FNDC3B: variants seen among roughly 807,000 people sequenced by gnomAD.
The protein encoded by FNDC3B is fibronectin type III domain-containing protein 3B.
FNDC3B carries 12 observed loss-of-function variants against 151.5 expected under a neutral mutation model. That is an observed-to-expected ratio of 0.08 (90% CI 0.05 to 0.13). The LOEUF is 0.13. FNDC3B is among the 10% of genes least tolerant of loss of function. FNDC3B has a pLI of 1.00. For missense variants in FNDC3B, 1,214 were observed against 1,505.3 expected (o/e 0.81, Z 3.20); for synonymous variants, 528 against 549.0 (o/e 0.96, Z 0.54).
intron 9 of FNDC3B, among the ~76,000 whole-genome samples, chr3:172,300,507 A>G (rs944675613): frequency 7.2e-5 from 11 of 152,082 alleles, no homozygotes; most frequent in African/African-American, 2.7e-4. Flanking sequence ...ATTTGAGAAC[A>G]CTTGCTCATC....
In FNDC3B at chr3:172,346,448, A is replaced by G. The variant is rs1224480258; in HGVS notation, c.2364+8A>G. 1 of 1,537,184 alleles carries G rather than the reference A, an allele frequency of 6.5e-7. No individual in the cohort carries two copies. The highest frequency in any genetic ancestry group is 1.7e-5 in the Admixed American group (1 of 58,086). On this transcript the variant is annotated splice_region_variant and intron_variant, in intron 20 of 25. Transcript: ENST00000415807. ...GTCTTAGTGGGTTGGGAGGTAAGTC[A>G]GGCATATTCTGCATCAACTTCTGTT...
chr3:172,337,313 AT>A lies in FNDC3B; in HGVS notation c.1781-14del, dbSNP rs764737651. 2.6e-6 allele frequency: 4 copies of A among 1,555,664 alleles called. No individual in the cohort carries two copies. The Admixed American group carries it at 6.8e-5, about 26-fold the overall frequency. On this transcript the variant is annotated splice_polypyrimidine_tract_variant and intron_variant, in intron 15 of 25. Transcript: ENST00000415807. ...AATATCCTTTTATTGCTAATAAGAC[AT>A]TTGGTTATTTTCCAGATCCCCCTAA...
intron 6 of FNDC3B, among the ~76,000 whole-genome samples, chr3:172,258,856 C>T (rs1265880951): frequency 2.0e-5 from 3 of 152,184 alleles, no homozygotes; most frequent in African/African-American, 4.8e-5. Flanking sequence ...AGGGCTTTTG[C>T]ACTTCACAAG....
At chr3:172,152,091 A>T (rs769842861) in intron 3 of FNDC3B, among the ~76,000 whole-genome samples, 1 of 152,156 alleles carries the variant, frequency 6.6e-6, no homozygotes, top group Non-Finnish European at 1.5e-5. Flanking sequence ...TTCACAAATG[A>T]CTGGAAATAA....
chr3:172,264,213 C>T (rs992674682), intron 6 of FNDC3B, among the ~76,000 whole-genome samples: 2 of 152,100 alleles, frequency 1.3e-5, no homozygotes, highest in African/African-American at 4.8e-5. Flanking sequence ...CCCAGGTGGT[C>T]TCGAACTCCT....
intron 24 of FNDC3B, among the ~76,000 whole-genome samples, 153 bp downstream of exon 24, chr3:172,378,589 T>TG (rs965828840): frequency 3.3e-5 from 5 of 152,182 alleles, no homozygotes; most frequent in Non-Finnish European, 5.9e-5. Flanking sequence ...ATGGGTTGTC[T>TG]GGGGGAAATG....
chr3:172,074,396 G>A (rs193147587), intron 1 of FNDC3B, among the ~76,000 whole-genome samples: 1 of 152,346 alleles, frequency 6.6e-6, no homozygotes, highest in Admixed American at 6.5e-5. Flanking sequence ...CAAGGACTTA[G>A]AATGACTGCT....
chr3:172,263,092 A>T (rs912251712), intron 6 of FNDC3B, among the ~76,000 whole-genome samples: 10 of 145,346 alleles, frequency 6.9e-5, no homozygotes, highest in East Asian at 2.0e-4. Context: ...AATATATATA[A>T]ATATATATAT....
intron 1 of FNDC3B, among the ~76,000 whole-genome samples, chr3:172,081,606 A>C (rs1283031569): frequency 6.6e-6 from 1 of 152,188 alleles, no homozygotes; most frequent in Non-Finnish European, 1.5e-5. Context: ...CTTGATAGAA[A>C]AGTTTTCTTT....
At chr3:172,363,720 G>A (rs983914222) in intron 23 of FNDC3B, among the ~76,000 whole-genome samples, 9 of 152,116 alleles carry the variant, frequency 5.9e-5, no homozygotes, top group African/African-American at 7.2e-5. Flanking sequence ...CTAGTTACAC[G>A]GAAAACCCTG....
chr3:172,233,924 G>A (rs374303045), intron 4 of FNDC3B, among the ~76,000 whole-genome samples: 9 of 152,116 alleles, frequency 5.9e-5, no homozygotes, highest in African/African-American at 2.2e-4. Context: ...TAGATATTTC[G>A]TTTCAGTTAT....
At chr3:172,092,720 A>G (rs564024105) in intron 1 of FNDC3B, among the ~76,000 whole-genome samples, 3 of 152,382 alleles carry the variant, frequency 2.0e-5, no homozygotes, top group Admixed American at 1.3e-4. Context: ...TAGCAAGAGC[A>G]AAAGCTCAGC....
intron 2 of FNDC3B, among the ~76,000 whole-genome samples, chr3:172,114,223 A>T (rs1720131436): frequency 6.6e-6 from 1 of 152,088 alleles, no homozygotes. Context: ...TCTTCTGCTC[A>T]CTGTGCTCAA....
rs77626023 is a variant in FNDC3B, at chr3:172,176,247, T to C, written c.187+42701T>C. The stretch of plus-strand genomic sequence containing the variant: ...AGTAGTTCCACTAAAGCTTTTGGTT[T>C]CTAAGCCCAAATGAGATTACAACCA... On this transcript the variant is annotated intron_variant, in intron 3 of 25. Coordinates refer to ENST00000415807, the MANE Select transcript of FNDC3B (RefSeq NM_022763.4). 7.8e-3 allele frequency among the ~76,000 whole-genome samples: 1,185 copies of C among 152,344 alleles called. 23 individuals carry two copies. Among genetic ancestry groups the C allele is most frequent in the African/African-American group, 0.027 (1,108 of 41,576 alleles).
At chr3:172,134,421 G>T (rs1319744225) in intron 3 of FNDC3B, 4 of 517,508 alleles carry the variant, frequency 7.7e-6, no homozygotes, top group Non-Finnish European at 1.5e-5. Context: ...TGGGGCAAAT[G>T]GTAAATGGCA....
At chr3:172,394,171 T>C (rs1264860942) in intron 25 of FNDC3B, among the ~76,000 whole-genome samples, 1 of 112,886 alleles carries the variant, frequency 8.9e-6, no homozygotes, top group African/African-American at 3.2e-5. Context: ...AAGCAAAGTT[T>C]AAAGCAATAA....
rs1440043769 is a variant in FNDC3B, at chr3:172,389,588, G to T, written c.3304-7576G>T. On this transcript the variant is annotated intron_variant, in intron 25 of 25. Coordinates refer to ENST00000415807, the MANE Select transcript of FNDC3B (RefSeq NM_022763.4). ...TATTAGAAAAACTGTTCACGTGTGG[G>T]GGGGTGGCTCACGCCTGTAGTAATC... Among the ~76,000 whole-genome samples the T allele has an allele frequency of 2.0e-5, 3 of 152,126 alleles. No homozygotes were observed. The East Asian group carries it at 5.8e-4, about 29-fold the overall frequency.
intron 2 of FNDC3B, among the ~76,000 whole-genome samples, chr3:172,120,853 A>T (rs1720507422): frequency 1.3e-5 from 2 of 151,908 alleles, no homozygotes; most frequent in Non-Finnish European, 2.9e-5. Context: ...AGTCCCAGCT[A>T]CTCAGGAGGC....
intron 6 of FNDC3B, among the ~76,000 whole-genome samples, chr3:172,267,184 C>G (rs1728967400): frequency 6.7e-6 from 1 of 149,230 alleles, no homozygotes; most frequent in African/African-American, 2.5e-5. Context: ...TGAACAGGGT[C>G]TCACTCTGTC....
Sources: gnomAD v4.1 joint callset for allele counts (sites outside exome capture counted in the v4.1 genomes callset) on GRCh38, gnomAD v4.1.1 for gene constraint, MANE v1.5 for transcripts, NCBI Gene and HGNC (gene_info 2026-07-23, HGNC 2026-07-21) for gene names.